Variants in PHF12 observed in about 807,000 individuals in gnomAD.
The protein encoded by PHF12 is PHD finger protein 12.
In PHF12, 6 loss-of-function variants were observed where a neutral mutation model predicts 99.8. The observed-to-expected ratio is 0.06, with a 90% CI of 0.03 to 0.12. The LOEUF (loss-of-function observed/expected upper bound fraction) is 0.12. Among genes scored for constraint, PHF12 ranks in the 10% least tolerant of loss-of-function variants. PHF12 has a pLI of 1.00. For synonymous variants in PHF12, 480 were observed against 514.9 expected (o/e 0.93, Z 0.92); for missense variants, 954 against 1,300.1 (o/e 0.73, Z 4.09).
chr17:28,912,711 A>G lies in PHF12; in HGVS notation c.1860T>C (p.Pro620=). 6.2e-7 allele frequency: 1 copy of G among 1,614,260 alleles called. No homozygotes were observed. The highest frequency in any genetic ancestry group is 1.1e-5 in the South Asian group (1 of 91,088). Reference sequence around the variant, plus strand: ...GAATGGAAGGGGGCAGGCTTGGGACAGGAACCAAACTCCTCTGGGGGCAAG... The same window carrying G: ...GAATGGAAGGGGGCAGGCTTGGGACGGGAACCAAACTCCTCTGGGGGCAAG... The part of the protein sequence containing the change: ...PSSCPQRSLV[P]VPSLPPSIPS... Residue 620 remains proline, a synonymous_variant, in exon 9 of 15, where the codon CCT becomes CCC. Transcript: ENST00000332830.
intron 12 of PHF12, 174 bp downstream of exon 12, chr17:28,908,609 C>A (rs561915339): frequency 1.5e-6 from 1 of 649,956 alleles, no homozygotes; most frequent in Non-Finnish European, 2.7e-6. Flanking sequence ...CGTGAGCCAC[C>A]GTGACTGGCT....
intron 2 of PHF12, among the ~76,000 whole-genome samples, chr17:28,947,638 A>C (rs1215871544): frequency 6.6e-6 from 1 of 152,232 alleles, no homozygotes; most frequent in Non-Finnish European, 1.5e-5. Flanking sequence ...TGGTGGAAAG[A>C]GTGTGGCTTC....
rs774317134 is a variant in PHF12 at position 28,924,160 on chromosome 17, C to T, written c.464G>A (p.Arg155Gln). Residue 155 changes from arginine (R) to glutamine (Q), a missense_variant, in exon 4 of 15, where the codon CGG becomes CAG. Transcript: ENST00000332830. ...KTELKAIAHA[R>Q]ILERRASRPG... Reference sequence around the variant, plus strand: ...CCTGCTGGCTCTCCTTTCCAGGATCCGGGCATGGGCAATGGCCTTTAGTTC... The same window carrying T: ...CCTGCTGGCTCTCCTTTCCAGGATCTGGGCATGGGCAATGGCCTTTAGTTC... 5.0e-6 allele frequency: 8 copies of T among 1,614,078 alleles called. No individual in the cohort carries two copies. The highest frequency in any genetic ancestry group is 6.8e-6 in the Non-Finnish European group (8 of 1,180,046).
chr17:28,933,217 A>C (rs1045730043), intron 2 of PHF12, among the ~76,000 whole-genome samples: 1 of 152,250 alleles, frequency 6.6e-6, no homozygotes, highest in Non-Finnish European at 1.5e-5. Context: ...CAGTGAAAAC[A>C]CTATAATGAG....
intron 2 of PHF12, among the ~76,000 whole-genome samples, chr17:28,931,047 T>C (rs2040391009): frequency 6.6e-6 from 1 of 151,956 alleles, no homozygotes; most frequent in Non-Finnish European, 1.5e-5. Context: ...GGCAACAGAG[T>C]GAGACCCTGT....
chr17:28,950,576 C>T lies in PHF12; in HGVS notation c.66+319G>A. The T allele has an allele frequency of 1.9e-6, 1 of 514,338 alleles. No individual in the cohort carries two copies. The highest frequency in any genetic ancestry group is 3.4e-6 in the Non-Finnish European group (1 of 291,958). 31.9% of individuals were successfully genotyped at this position (514,338 alleles called of 1,614,324 possible). A position where few individuals can be genotyped will look rare whatever the true frequency, so the allele number is the denominator to read the frequency against. On this transcript the variant is annotated intron_variant, in intron 1 of 14. Transcript: ENST00000332830. The surrounding 1 kb of genome is among the most constrained non-coding windows in gnomAD (Gnocchi z 5.7). ...ACCCGCTCGGGAGAGGCCCAAAGCC[C>T]GGTACCCGGACGTGCTGGGGGAAGC...
At chr17:28,923,765 T>C in intron 4 of PHF12, 144 bp downstream of exon 4, 1 of 1,051,736 alleles carries the variant, frequency 9.5e-7, no homozygotes, top group Non-Finnish European at 1.3e-6. Context: ...GGCTAAGACC[T>C]TCAAAGATCT....
chr17:28,946,497 T>C (rs887554600), intron 2 of PHF12, among the ~76,000 whole-genome samples: 2 of 151,924 alleles, frequency 1.3e-5, no homozygotes, highest in Non-Finnish European at 2.9e-5. Context: ...AGATCTCCTG[T>C]GGTTTATAGC....
chr17:28,922,220 C>T (rs1269497714), intron 4 of PHF12, among the ~76,000 whole-genome samples: 1 of 152,176 alleles, frequency 6.6e-6, no homozygotes, highest in Admixed American at 6.5e-5. Flanking sequence ...TCCATATGAG[C>T]CAGGACTACA....
Position 28,949,859 on chromosome 17 carries a change from G to C in PHF12, c.248+206C>G. The C allele has an allele frequency of 1.7e-6, 1 of 575,106 alleles. No homozygotes were observed. The highest frequency in any genetic ancestry group is 3.2e-5 in the Admixed American group (1 of 30,882). 35.6% of individuals were successfully genotyped at this position (575,106 alleles called of 1,614,324 possible). A position where few individuals can be genotyped will look rare whatever the true frequency, so the allele number is the denominator to read the frequency against. On this transcript the variant is annotated intron_variant, in intron 2 of 14. Coordinates refer to ENST00000332830, the MANE Select transcript of PHF12 (RefSeq NM_001033561.2). The surrounding 1 kb of genome is among the most constrained non-coding windows in gnomAD (Gnocchi z 4.6). ...TTCACTCGTCCCAACCCCCACCTCG[G>C]GGTCCGGACCCACCGCTGCTCCTCC...
At chr17:28,912,349 TGA>T (rs2039974585) in intron 9 of PHF12, 131 bp downstream of exon 9, 1 of 1,407,928 alleles carries the variant, frequency 7.1e-7, no homozygotes, top group Non-Finnish European at 9.2e-7. Context: ...ATTACGGAAA[TGA>T]GAGTAAGACA....
At chr17:28,941,854 G>A (rs1261085771) in intron 2 of PHF12, among the ~76,000 whole-genome samples, 1 of 152,146 alleles carries the variant, frequency 6.6e-6, no homozygotes, top group East Asian at 1.9e-4. Flanking sequence ...TGATCCACCT[G>A]CCTCGGCTCC....
chr17:28,917,000 TAAC>T (rs2040074156), intron 7 of PHF12, among the ~76,000 whole-genome samples: 1 of 152,262 alleles, frequency 6.6e-6, no homozygotes, highest in East Asian at 1.9e-4. Flanking sequence ...AGGGTGGCAG[TAAC>T]AACAGAGCAC....
At chr17:28,930,851 G>C (rs2040386266) in intron 2 of PHF12, among the ~76,000 whole-genome samples, 1 of 152,090 alleles carries the variant, frequency 6.6e-6, no homozygotes, top group Admixed American at 6.5e-5. Flanking sequence ...TGGGTGGATT[G>C]CTTGAGCCCA....
intron 2 of PHF12, among the ~76,000 whole-genome samples, chr17:28,941,634 G>C (rs1190345983): frequency 1.3e-5 from 2 of 151,704 alleles, no homozygotes; most frequent in Non-Finnish European, 2.9e-5. Flanking sequence ...TTTTGAGATG[G>C]AGTTTCACTC....
rs747731252 is a variant in PHF12 at position 28,912,537 on chromosome 17, A to G, written c.2034T>C (p.Asp678=). The change falls in exon 9 of 15, where the codon GAT becomes GAC. Residue 678 remains aspartate, a synonymous_variant. Coordinates refer to ENST00000332830, the MANE Select transcript of PHF12 (RefSeq NM_001033561.2). The stretch of plus-strand genomic sequence containing the variant: ...GGTTGGCTGTTGTGGCCAAGATACC[A>G]TCTCCTGCTGCTTGCGGGGGAGTGA... The part of the protein sequence containing the change: ...RVLTPPQAAG[D]GILATTANQR... 9 of 1,612,910 alleles carry G rather than the reference A, an allele frequency of 5.6e-6. No individual in the cohort carries two copies. The highest frequency in any genetic ancestry group is 1.1e-5 in the South Asian group (1 of 91,054).
chr17:28,950,012 A>C lies in PHF12; in HGVS notation c.248+53T>G. 6.7e-7 allele frequency: 1 copy of C among 1,487,178 alleles called. No homozygotes were observed. Among genetic ancestry groups the C allele is most frequent in the Non-Finnish European group, 9.0e-7 (1 of 1,109,322 alleles). The allele number at this position is 1,487,178 out of a possible 1,614,324, so 92.1% of individuals were successfully genotyped here. ...CAGTCAGGGGCAGGCCGGGTGAAGGAATGCGCAGAGAAGGGTCCGCCAAGA... is the reference window on the plus strand; with the variant it reads ...CAGTCAGGGGCAGGCCGGGTGAAGGCATGCGCAGAGAAGGGTCCGCCAAGA... On this transcript the variant is annotated intron_variant, in intron 2 of 14. Coordinates refer to ENST00000332830, the MANE Select transcript of PHF12 (RefSeq NM_001033561.2). The surrounding 1 kb of genome is among the most constrained non-coding windows in gnomAD (Gnocchi z 5.7).
Position 28,906,339 on chromosome 17 carries a change from G to C in PHF12, c.2859C>G (p.Ile953Met). Reference protein sequence around the residue: ...GTALLHHGSYIKLGCLQFVFS... With the variant: ...GTALLHHGSYMKLGCLQFVFS... ...AGACAAACTGCAGGCAGCCCAGCTT[G>C]ATGTAGCTGCCATGGTGCAGTAAGG... The change falls in exon 15 of 15, where the codon ATC (isoleucine) becomes ATG (methionine). Residue 953 changes from isoleucine to methionine, a missense_variant. Transcript: ENST00000332830. The surrounding 1 kb of genome is among the most constrained non-coding windows in gnomAD (Gnocchi z 4.2). 1 of 1,614,214 alleles carries C rather than the reference G, an allele frequency of 6.2e-7. No individual in the cohort carries two copies. The highest frequency in any genetic ancestry group is 8.5e-7 in the Non-Finnish European group (1 of 1,180,028).
chr17:28,917,493 C>T (rs2040084110), intron 6 of PHF12, 44 bp from the exon 7 acceptor site: 5 of 1,555,002 alleles, frequency 3.2e-6, no homozygotes, highest in Non-Finnish European at 4.4e-6. Flanking sequence ...CCTCAAAAGG[C>T]ACCTCCTATC....
Sources: gnomAD v4.1 joint callset for allele counts (sites outside exome capture counted in the v4.1 genomes callset) on GRCh38, gnomAD v4.1.1 for gene constraint, Gnocchi (gnomAD v3.1) non-coding constraint, MANE v1.5 for transcripts, NCBI Gene and HGNC (gene_info 2026-07-23, HGNC 2026-07-21) for gene names.